The following DLG5 variants were observed in gnomAD, a reference collection of about 807,000 sequenced individuals.
DLG5 encodes the protein disks large homolog 5.
DLG5 carries 48 observed loss-of-function variants against 189.8 expected under a neutral mutation model. The ratio of observed to expected loss-of-function variants is 0.25; its 90% CI spans 0.20 to 0.32. DLG5 has a LOEUF of 0.32. Among genes scored for constraint, DLG5 ranks in the 10% least tolerant of loss-of-function variants. DLG5 has a pLI of 1.00. For missense variants in DLG5, 2,160 were observed against 2,544.7 expected, an observed-to-expected ratio of 0.85 and a Z score of 3.25; for synonymous variants, 1,016 against 1,054.1, an observed-to-expected ratio of 0.96 and a Z score of 0.70.
chr10:77,833,831 T>TTGCC, intron 9 of DLG5, 83 bp downstream of exon 9: 3 of 1,558,954 alleles, frequency 1.9e-6, no homozygotes, highest in South Asian at 2.4e-5. Context: ...GCCAATGCAC[T>TTGCC]CAGCATTGCC....
upstream of DLG5, chr10:77,927,039 G>A (rs1409648187): frequency 7.8e-6 from 2 of 257,750 alleles, no homozygotes; most frequent in Non-Finnish European, 7.8e-6. Context: ...GTGCACCCCG[G>A]CCCGGCTCAC....
intron 31 of DLG5, chr10:77,793,621 T>C (rs572437708): frequency 6.6e-4 from 138 of 209,388 alleles, no homozygotes; most frequent in Non-Finnish European, 1.1e-3. Flanking sequence ...TGGAGGGTGC[T>C]AGGGACAGAT....
chr10:77,824,276 C>A, intron 14 of DLG5, 108 bp downstream of exon 14: 1 of 814,976 alleles, frequency 1.2e-6, no homozygotes. Flanking sequence ...AGTAAATGCC[C>A]ACCCTGTTCT....
chr10:77,800,191 A>G (rs1203125481), intron 27 of DLG5, among the ~76,000 whole-genome samples: 2 of 152,226 alleles, frequency 1.3e-5, no homozygotes, highest in African/African-American at 4.8e-5. Context: ...GGTAACTTTT[A>G]AACTACTACA....
At chr10:77,797,434 T>G (rs1840978257) in intron 27 of DLG5, among the ~76,000 whole-genome samples, 1 of 152,116 alleles carries the variant, frequency 6.6e-6, no homozygotes, top group African/African-American at 2.4e-5. Context: ...AGCACACACT[T>G]TAACTAGAGT....
intron 22 of DLG5, among the ~76,000 whole-genome samples, chr10:77,811,644 G>C (rs1841777392): frequency 1.3e-5 from 2 of 152,114 alleles, no homozygotes; most frequent in Non-Finnish European, 2.9e-5. Context: ...CAAACACTTT[G>C]AGTGAGAATC....
At chr10:77,794,737 G>T in intron 30 of DLG5, 112 bp downstream of exon 30, 1 of 759,226 alleles carries the variant, frequency 1.3e-6, no homozygotes, top group Non-Finnish European at 2.2e-6. Flanking sequence ...AAGACCCATA[G>T]GCCCATCTCT....
Position 77,921,712 on chromosome 10 carries a change from C to A in DLG5, c.304+4505G>T, listed in dbSNP as rs60782268. ...TCAGAGCTTCACTTCAACACCAAGT[C>A]CCAGCACATTCGTGAAGCTCTCCTC... On this transcript the variant is annotated intron_variant, in intron 1 of 31. Coordinates refer to ENST00000372391, the MANE Select transcript of DLG5 (RefSeq NM_004747.4). Among the ~76,000 whole-genome samples the A allele has an allele frequency of 4.1e-3, 631 of 152,346 alleles. 3 individuals carry two copies. Among genetic ancestry groups the A allele is most frequent in the African/African-American group, 0.014 (593 of 41,580 alleles).
intron 2 of DLG5, among the ~76,000 whole-genome samples, chr10:77,858,602 T>C (rs539419649): frequency 1.3e-5 from 2 of 152,256 alleles, no homozygotes; most frequent in African/African-American, 4.8e-5. Flanking sequence ...CACACCACTG[T>C]ATTCCAGCCT....
At chr10:77,916,133 T>C (rs1846350218) in intron 1 of DLG5, among the ~76,000 whole-genome samples, 3 of 151,968 alleles carry the variant, frequency 2.0e-5, no homozygotes, top group African/African-American at 4.8e-5. Context: ...GGCAGGAGGA[T>C]TGCTTGAGCC....
intron 1 of DLG5, among the ~76,000 whole-genome samples, chr10:77,907,821 C>T (rs1189313936): frequency 2.0e-5 from 3 of 152,174 alleles, no homozygotes; most frequent in East Asian, 3.9e-4. Flanking sequence ...AATTACTCTC[C>T]TAAACTGACT....
In DLG5 at chr10:77,819,598, C is replaced by A. The variant is rs528725504; in HGVS notation, c.3527-133G>T. On this transcript the variant is annotated intron_variant, in intron 16 of 31. Coordinates refer to ENST00000372391, the MANE Select transcript of DLG5 (RefSeq NM_004747.4). ...AAGGACTTGGGAGATGAGTTTTAAC[C>A]ACCAATTCACAATGTGGCTGTGGCT... 24 of 1,247,434 alleles carry A rather than the reference C, an allele frequency of 1.9e-5. 1 individual carries two copies. In the African/African-American group the frequency reaches 3.3e-4, roughly 17 times the overall value. 77.3% of individuals were successfully genotyped at this position (1,247,434 alleles called of 1,614,324 possible).
At chr10:77,908,343 A>G (rs1846124747) in intron 1 of DLG5, among the ~76,000 whole-genome samples, 1 of 151,740 alleles carries the variant, frequency 6.6e-6, no homozygotes, top group African/African-American at 2.4e-5. Context: ...CTACATCCTC[A>G]CCTACCCACC....
At chr10:77,881,680 T>C (rs536254726) in intron 1 of DLG5, among the ~76,000 whole-genome samples, 34 of 152,224 alleles carry the variant, frequency 2.2e-4, no homozygotes, top group Non-Finnish European at 4.3e-4. Flanking sequence ...CTGTTTATGA[T>C]TCTGATGCTT....
intron 14 of DLG5, among the ~76,000 whole-genome samples, chr10:77,823,269 A>C (rs1842456165): frequency 1.3e-5 from 2 of 152,242 alleles, no homozygotes; most frequent in African/African-American, 4.8e-5. Flanking sequence ...ATTTGAAAAT[A>C]GTTAATTTAG....
At position 77,872,520 on chromosome 10, in the gene DLG5, G is replaced by A. The variant is rs370014757; in HGVS notation, c.305-3323C>T. ...CAGGGAGCTGGCAGGGCTCCTAGGAGCTGGTGGGGGGAGTGGTTAAAATTG... is the reference window on the plus strand; with the variant it reads ...CAGGGAGCTGGCAGGGCTCCTAGGAACTGGTGGGGGGAGTGGTTAAAATTG... On this transcript the variant is annotated intron_variant, in intron 1 of 31. Transcript: ENST00000372391. Among the ~76,000 whole-genome samples, 24 of 152,312 alleles carry A rather than the reference G, an allele frequency of 1.6e-4. No individual in the cohort carries two copies. The South Asian group carries it at 5.0e-3, about 32-fold the overall frequency.
intron 20 of DLG5, chr10:77,816,184 C>T (rs1842040097): frequency 5.7e-6 from 3 of 524,560 alleles, no homozygotes; most frequent in Non-Finnish European, 1.1e-5. Context: ...AACTGTGAAA[C>T]AGGGATAACA....
At chr10:77,877,162 T>C (rs896279871) in intron 1 of DLG5, among the ~76,000 whole-genome samples, 2 of 152,060 alleles carry the variant, frequency 1.3e-5, no homozygotes, top group Non-Finnish European at 2.9e-5. Context: ...CTCCCCTCCC[T>C]TCCCCACCCA....
chr10:77,899,105 G>A (rs1032146435), intron 1 of DLG5, among the ~76,000 whole-genome samples: 6 of 152,296 alleles, frequency 3.9e-5, no homozygotes, highest in South Asian at 4.1e-4. Context: ...GGTCCCATCC[G>A]CCTTGAAGTT....
Sources: gnomAD v4.1 joint callset for allele counts (sites outside exome capture counted in the v4.1 genomes callset) on GRCh38, gnomAD v4.1.1 for gene constraint, MANE v1.5 for transcripts, NCBI Gene and HGNC (gene_info 2026-07-23, HGNC 2026-07-21) for gene names.